CDH10: variants seen among roughly 807,000 people sequenced by gnomAD.
The protein encoded by CDH10 is cadherin-10.
CDH10 carries 30 observed loss-of-function variants against 73.1 expected under a neutral mutation model. The observed-to-expected ratio is 0.41, with a 90% CI of 0.31 to 0.56. CDH10 has a LOEUF of 0.56. Ranked by LOEUF, CDH10 falls within the 20% of genes least tolerant of loss-of-function variation. The pLI, the probability that CDH10 is intolerant of heterozygous loss-of-function variation, is 0.27. For synonymous variants in CDH10, 345 were observed against 348.2 expected, an observed-to-expected ratio of 0.99 and a Z score of 0.10; for missense variants, 815 against 973.7, an observed-to-expected ratio of 0.84 and a Z score of 2.17.
At chr5:24,489,604 C>T (rs1443381793) in intron 11 of CDH10, among the ~76,000 whole-genome samples, 2 of 152,160 alleles carry the variant, frequency 1.3e-5, no homozygotes, top group South Asian at 2.1e-4. Flanking sequence ...TATTACAATT[C>T]GCTCCAAGTC....
At chr5:24,612,511 A>C (rs942909206) in intron 1 of CDH10, 7 of 152,324 alleles carry the variant, frequency 4.6e-5, no homozygotes, top group Non-Finnish European at 1.0e-4. Flanking sequence ...TGAATTAAAA[A>C]TAGTTTACTC....
chr5:24,558,545 C>T (rs969963071), intron 2 of CDH10, among the ~76,000 whole-genome samples: 2 of 151,284 alleles, frequency 1.3e-5, no homozygotes, highest in Non-Finnish European at 3.0e-5. Flanking sequence ...TTTTAGATGG[C>T]CATACTTTAT....
At chr5:24,592,263 A>G (rs1746224405) in intron 2 of CDH10, among the ~76,000 whole-genome samples, 1 of 151,802 alleles carries the variant, frequency 6.6e-6, no homozygotes, top group Admixed American at 6.6e-5. Context: ...CTTTCACACA[A>G]TTTTAATTAT....
chr5:24,621,404 G>A (rs1747312751), intron 1 of CDH10, among the ~76,000 whole-genome samples: 1 of 152,132 alleles, frequency 6.6e-6, no homozygotes, highest in Admixed American at 6.6e-5. Flanking sequence ...CCATTTTAGT[G>A]GAAAGATTCA....
chr5:24,575,352 CAACAAAAAAAAA>C (rs1745561424), intron 2 of CDH10, among the ~76,000 whole-genome samples: 1 of 47,202 alleles, frequency 2.1e-5, no homozygotes, highest in Admixed American at 2.4e-4. Flanking sequence ...ACAACAAAAA[CAACAAAAAAAAA>C]AAAAAAAAAG....
Position 24,521,962 on chromosome 5 carries a change from T to C in CDH10, c.815-10448A>G, listed in dbSNP as rs894705241. 1.6e-4 allele frequency among the ~76,000 whole-genome samples: 24 copies of C among 151,994 alleles called. No individual in the cohort carries two copies. In the Middle Eastern group the frequency reaches 0.01, roughly 65 times the overall value. ...CAGCCTGGCCAATATGGTGAAACCCTGTCTCTACTAAAAATACAAAAATTA... is the reference window on the plus strand; with the variant it reads ...CAGCCTGGCCAATATGGTGAAACCCCGTCTCTACTAAAAATACAAAAATTA... On this transcript the variant is annotated intron_variant, in intron 5 of 11. Coordinates refer to ENST00000264463, the MANE Select transcript of CDH10 (RefSeq NM_006727.5).
chr5:24,556,136 T>C (rs1744761678), intron 2 of CDH10, among the ~76,000 whole-genome samples: 1 of 152,152 alleles, frequency 6.6e-6, no homozygotes, highest in East Asian at 1.9e-4. Context: ...CTATCTCAGC[T>C]TTCTTCTACA....
intron 5 of CDH10, among the ~76,000 whole-genome samples, chr5:24,517,499 C>A (rs1743152067): frequency 6.6e-6 from 1 of 152,100 alleles, no homozygotes; most frequent in Admixed American, 6.6e-5. Flanking sequence ...CAATTGTTGC[C>A]TCCACTGGCC....
intron 5 of CDH10, 113 bp from the exon 6 acceptor site, chr5:24,511,627 A>T (rs1018170): frequency 0.52 from 315,165 of 611,204 alleles, 83,339 homozygotes; most frequent in East Asian, 0.67. Context: ...AAAACATGTA[A>T]GACGCAATAT....
intron 8 of CDH10, among the ~76,000 whole-genome samples, chr5:24,504,386 A>G (rs1742604634): frequency 6.7e-6 from 1 of 150,008 alleles, no homozygotes; most frequent in Admixed American, 6.6e-5. Flanking sequence ...CTTTTTCACT[A>G]TTGCCTTTCT....
intron 2 of CDH10, among the ~76,000 whole-genome samples, chr5:24,551,958 T>G (rs1744561994): frequency 1.3e-5 from 2 of 152,286 alleles, no homozygotes; most frequent in South Asian, 4.1e-4. Flanking sequence ...TTATTTATTT[T>G]CCATTTTTGA....
In CDH10 at chr5:24,491,367, G is replaced by A. The variant is rs1202860487; in HGVS notation, c.1876+209C>T. ...TGAATTCTAGGCCCCATTAGGTAAA[G>A]TTCCACTATTACTACAACAAAAATT... On this transcript the variant is annotated intron_variant, in intron 11 of 11. Transcript: ENST00000264463. Among the ~76,000 whole-genome samples the A allele has an allele frequency of 6.0e-5, 4 of 66,512 alleles. No homozygotes were observed. In the East Asian group the frequency reaches 1.3e-3, roughly 22 times the overall value. The allele number at this position is 66,512 out of a possible 152,430, so 43.6% of individuals were successfully genotyped here.
chr5:24,595,687 G>A lies in CDH10; in HGVS notation c.-123-2074C>T, dbSNP rs534396871. 7.9e-5 allele frequency among the ~76,000 whole-genome samples: 12 copies of A among 152,044 alleles called. No individual in the cohort carries two copies. In the South Asian group the frequency reaches 2.5e-3, roughly 32 times the overall value. The stretch of plus-strand genomic sequence containing the variant: ...CAGGGGAGAGTTTGTGTAAGTGAGG[G>A]TTTCTGCTTTCTTCTACAAAAGCTT... On this transcript the variant is annotated intron_variant, in intron 1 of 11. Coordinates refer to ENST00000264463, the MANE Select transcript of CDH10 (RefSeq NM_006727.5).
chr5:24,589,762 C>T (rs11741076), intron 2 of CDH10, among the ~76,000 whole-genome samples: 150,403 of 152,168 alleles, frequency 0.99, 74,351 homozygotes, highest in Middle Eastern at 1. Flanking sequence ...CGCAACTGGA[C>T]TGAGCAATAG....
chr5:24,583,337 TA>T (rs1193158543), intron 2 of CDH10, among the ~76,000 whole-genome samples: 1 of 152,106 alleles, frequency 6.6e-6, no homozygotes, highest in Admixed American at 6.5e-5. Context: ...GAAATATATA[TA>T]TTTTTAAAGA....
chr5:24,571,717 T>C (rs922890240), intron 2 of CDH10, among the ~76,000 whole-genome samples: 1 of 149,090 alleles, frequency 6.7e-6, no homozygotes, highest in Non-Finnish European at 1.5e-5. Flanking sequence ...TGAAAAAAAA[T>C]AATGCTATGT....
intron 2 of CDH10, among the ~76,000 whole-genome samples, chr5:24,587,080 G>GTGATC (rs780837501): frequency 3.6e-4 from 54 of 151,364 alleles, no homozygotes; most frequent in Non-Finnish European, 5.3e-4. Flanking sequence ...TCCTGACCTC[G>GTGATC]TGATCTGCCC....
At chr5:24,565,403 T>C (rs957072514) in intron 2 of CDH10, among the ~76,000 whole-genome samples, 1 of 152,186 alleles carries the variant, frequency 6.6e-6, no homozygotes, top group South Asian at 2.1e-4. Flanking sequence ...CCTTTTACAA[T>C]AGCACAGAGA....
chr5:24,553,023 G>T (rs1561158361), intron 2 of CDH10, among the ~76,000 whole-genome samples: 1 of 151,934 alleles, frequency 6.6e-6, no homozygotes, highest in African/African-American at 2.4e-5. Context: ...GTTTATTCTT[G>T]GATTTTAATA....
Sources: allele counts gnomAD v4.1 joint callset (sites outside exome capture counted in the v4.1 genomes callset), GRCh38; gene constraint gnomAD v4.1.1; transcripts MANE v1.5; gene names NCBI Gene and HGNC (gene_info 2026-07-23, HGNC 2026-07-21).